Variants in GNG4 observed in about 807,000 individuals in gnomAD.
GNG4 encodes the protein guanine nucleotide-binding protein G(I)/G(S)/G(O) subunit gamma-4.
In GNG4, 4 loss-of-function variants were observed where a neutral mutation model predicts 5.8. The observed-to-expected ratio is 0.69, with a 90% confidence interval of 0.34 to 1.57. GNG4 has a LOEUF of 1.57. GNG4 is among the 40% of genes most tolerant of loss of function. The pLI is 0.06. For synonymous variants in GNG4, 29 were observed against 32.9 expected (o/e 0.88, Z 0.41); for missense variants, 96 against 95.1 (o/e 1.01, Z -0.04).
chr1:235,650,117 CCGGGCCCGCGCCCCCCGCCCGCTACT>C (rs1473520885), upstream of GNG4: 4 of 150,590 alleles, frequency 2.7e-5, no homozygotes, highest in Admixed American at 2.6e-4. Context: ...CCGCCCCAGC[CCGGGCCCGCGCCCCCCGCCCGCTACT>C]CGGGCCCACG....
intron 1 of GNG4, among the ~76,000 whole-genome samples, chr1:235,618,165 G>A (rs1688636779): frequency 6.6e-6 from 1 of 152,162 alleles, no homozygotes; most frequent in African/African-American, 2.4e-5. Flanking sequence ...ATGAATAACA[G>A]GGGTCTCTGA....
intron 1 of GNG4, among the ~76,000 whole-genome samples, chr1:235,643,840 T>G (rs1432967940): frequency 6.6e-6 from 1 of 152,230 alleles, no homozygotes; most frequent in Non-Finnish European, 1.5e-5. Context: ...AATTGGCTTC[T>G]TTCAGACACT....
chr1:235,620,999 C>T (rs1168678226), intron 1 of GNG4, among the ~76,000 whole-genome samples: 2 of 152,120 alleles, frequency 1.3e-5, no homozygotes, highest in African/African-American at 4.8e-5. Flanking sequence ...AACAGTAAGC[C>T]AGCACCAGGT....
chr1:235,620,116 C>T (rs369415092), intron 1 of GNG4, among the ~76,000 whole-genome samples: 8 of 152,206 alleles, frequency 5.3e-5, no homozygotes, highest in South Asian at 2.1e-4. Flanking sequence ...GTAATCCCAG[C>T]GCTTTGGGAG....
At chr1:235,594,147 G>A (rs2774325) in intron 2 of GNG4, among the ~76,000 whole-genome samples, 56,636 of 151,862 alleles carry the variant, frequency 0.37, 11,362 homozygotes, top group East Asian at 0.79. Flanking sequence ...GATACAGAGT[G>A]TCCACACAAA....
At chr1:235,570,933 C>CAT (rs1687324576) in intron 3 of GNG4, among the ~76,000 whole-genome samples, 1 of 138,868 alleles carries the variant, frequency 7.2e-6, no homozygotes, top group African/African-American at 2.8e-5. Context: ...TACACACACA[C>CAT]ACACACACAC....
intron 1 of GNG4, among the ~76,000 whole-genome samples, chr1:235,645,756 C>T (rs1193716421): frequency 1.4e-5 from 2 of 139,560 alleles, no homozygotes; most frequent in Non-Finnish European, 3.0e-5. Context: ...AAGATCGTGC[C>T]ATTGCTCTCC....
chr1:235,627,621 C>T (rs957334569), intron 1 of GNG4, among the ~76,000 whole-genome samples: 4 of 152,132 alleles, frequency 2.6e-5, no homozygotes, highest in South Asian at 2.1e-4. Flanking sequence ...CTGATCACCA[C>T]TGATGCATGC....
chr1:235,610,017 C>A (rs913989909), intron 1 of GNG4, among the ~76,000 whole-genome samples: 1 of 152,142 alleles, frequency 6.6e-6, no homozygotes, highest in Admixed American at 6.5e-5. Context: ...ATTATTGATA[C>A]GTTACCATCA....
intron 2 of GNG4, among the ~76,000 whole-genome samples, chr1:235,593,227 C>T (rs1247177468): frequency 6.6e-6 from 1 of 152,200 alleles, no homozygotes; most frequent in Non-Finnish European, 1.5e-5. Context: ...GGAATTCAGG[C>T]ATGAGTGCCT....
intron 1 of GNG4, among the ~76,000 whole-genome samples, chr1:235,645,446 C>A (rs746737417): frequency 2.6e-5 from 4 of 152,170 alleles, no homozygotes; most frequent in Non-Finnish European, 4.4e-5. Context: ...AGTTTGGGTG[C>A]TGGAATTTGG....
intron 1 of GNG4, among the ~76,000 whole-genome samples, chr1:235,643,231 C>A (rs1323977403): frequency 1.3e-5 from 2 of 152,342 alleles, no homozygotes; most frequent in East Asian, 1.9e-4. Flanking sequence ...TCTGAGCAAC[C>A]TTTCTGCTCT....
intron 3 of GNG4, among the ~76,000 whole-genome samples, chr1:235,560,137 A>G (rs1687019785): frequency 6.6e-6 from 1 of 152,218 alleles, no homozygotes; most frequent in African/African-American, 2.4e-5. Context: ...CCAGGCACTC[A>G]GCTTTGACTC....
intron 3 of GNG4, among the ~76,000 whole-genome samples, chr1:235,575,846 C>T (rs990968950): frequency 1.3e-5 from 2 of 152,170 alleles, no homozygotes; most frequent in Non-Finnish European, 2.9e-5. Context: ...CAGCGTGGAA[C>T]CCGCCTGAGA....
At chr1:235,597,628 G>GTA (rs1553369063) in intron 1 of GNG4, among the ~76,000 whole-genome samples, 901 of 72,456 alleles carry the variant, frequency 0.012, 23 homozygotes, top group South Asian at 0.044. Context: ...GTGTGTGTGT[G>GTA]TATTTTTTTT....
intron 1 of GNG4, among the ~76,000 whole-genome samples, chr1:235,646,042 G>A (rs772642726): frequency 3.9e-5 from 6 of 152,126 alleles, no homozygotes; most frequent in Non-Finnish European, 7.4e-5. Flanking sequence ...CCCGCCTCAT[G>A]CACAGGGGGT....
At chr1:235,637,653 CAAA>C (rs5781837) in intron 1 of GNG4, among the ~76,000 whole-genome samples, 41,323 of 115,834 alleles carry the variant, frequency 0.36, 6,615 homozygotes, top group East Asian at 0.55. Flanking sequence ...GACCTTGTCT[CAAA>C]AAAAAAAAAA....
intron 1 of GNG4, among the ~76,000 whole-genome samples, chr1:235,635,679 T>C (rs558257599): frequency 6.2e-5 from 6 of 96,584 alleles, no homozygotes; most frequent in African/African-American, 2.6e-4. Context: ...CCTCAAGTAT[T>C]TCTTTATAGC....
At chr1:235,600,280 A>G (rs1490492212) in intron 1 of GNG4, among the ~76,000 whole-genome samples, 1 of 151,138 alleles carries the variant, frequency 6.6e-6, no homozygotes, top group Admixed American at 6.6e-5. Flanking sequence ...ATGCCCAGCT[A>G]ATTTTTATAT....
Sources: allele counts gnomAD v4.1 joint callset (sites outside exome capture counted in the v4.1 genomes callset), GRCh38; gene constraint gnomAD v4.1.1; transcripts MANE v1.5; gene names NCBI Gene and HGNC (gene_info 2026-07-23, HGNC 2026-07-21).